CNTN4: variants seen among roughly 807,000 people sequenced by gnomAD.
The protein encoded by CNTN4 is contactin-4.
Under a neutral mutation model 122.5 loss-of-function variants are expected in CNTN4, and 77 were observed. The observed-to-expected ratio is 0.63, with a 90% CI of 0.52 to 0.76. CNTN4 has a LOEUF of 0.76. Ranked by LOEUF, CNTN4 falls within the 30% of genes least tolerant of loss-of-function variation. The probability of loss-of-function intolerance (pLI) is 0.00; values close to 1 mark genes in which losing one functional copy is unlikely to be tolerated. For missense variants in CNTN4, 1,256 were observed against 1,259.1 expected (o/e 1.00, Z 0.04); for synonymous variants, 512 against 447.0 (o/e 1.15, Z -1.83).
intron 3 of CNTN4, among the ~76,000 whole-genome samples, chr3:2,354,269 G>A (rs2044772353): frequency 6.6e-6 from 1 of 152,208 alleles, no homozygotes; most frequent in Non-Finnish European, 1.5e-5. Flanking sequence ...GGTGGCTCAT[G>A]CCTGTAATCC....
intron 13 of CNTN4, among the ~76,000 whole-genome samples, chr3:2,951,761 T>G (rs1252370933): frequency 6.6e-6 from 1 of 152,176 alleles, no homozygotes; most frequent in African/African-American, 2.4e-5. Flanking sequence ...CATTGCAAAT[T>G]CCTTTTTACA....
In CNTN4 at chr3:2,329,732, G is replaced by A. The variant is rs550278367; in HGVS notation, c.-144-9446G>A. On this transcript the variant is annotated intron_variant, in intron 2 of 24. Coordinates refer to ENST00000418658, the MANE Select transcript of CNTN4 (RefSeq NM_175607.3). Reference sequence around the variant, plus strand: ...GAGATAATACACTCTGCCTTATTGAGGCATTTTTTTTTATTAAAAACAGCC... The same window carrying A: ...GAGATAATACACTCTGCCTTATTGAAGCATTTTTTTTTATTAAAAACAGCC... Among the ~76,000 whole-genome samples, 211 of 99,732 alleles carry A rather than the reference G, an allele frequency of 2.1e-3. 2 individuals are homozygous for A. Among genetic ancestry groups the A allele is most frequent in the Middle Eastern group, 6.3e-3 (1 of 158 alleles). The allele number at this position is 99,732 out of a possible 152,430, so 65.4% of individuals were successfully genotyped here.
intron 6 of CNTN4, among the ~76,000 whole-genome samples, chr3:2,787,104 C>T (rs1003964676): frequency 4.6e-5 from 7 of 152,110 alleles, no homozygotes; most frequent in South Asian, 2.1e-4. Flanking sequence ...CGGCCAGGCG[C>T]GGTGGCTCAT....
chr3:2,142,864 C>A (rs190841782), intron 2 of CNTN4, among the ~76,000 whole-genome samples: 26 of 152,310 alleles, frequency 1.7e-4, no homozygotes, highest in Admixed American at 1.4e-3. Context: ...GAGTGAATTT[C>A]CACGTAACTT....
intron 4 of CNTN4, among the ~76,000 whole-genome samples, chr3:2,574,023 C>T (rs547859243): frequency 6.6e-6 from 1 of 152,194 alleles, no homozygotes; most frequent in Admixed American, 6.5e-5. Context: ...TAGAGACCAG[C>T]CTGACCAACA....
intron 3 of CNTN4, among the ~76,000 whole-genome samples, chr3:2,483,216 G>A (rs1030342480): frequency 2.6e-5 from 4 of 152,188 alleles, no homozygotes; most frequent in Admixed American, 2.6e-4. Flanking sequence ...GGAGCTTTAA[G>A]GTTTACTGAC....
chr3:2,747,322 T>C (rs1397238294), intron 6 of CNTN4, among the ~76,000 whole-genome samples: 1 of 150,908 alleles, frequency 6.6e-6, no homozygotes, highest in African/African-American at 2.5e-5. Context: ...GGCAGGAGAA[T>C]GGCGGGAACC....
chr3:2,134,619 G>A (rs776360614), intron 2 of CNTN4, among the ~76,000 whole-genome samples: 12 of 152,160 alleles, frequency 7.9e-5, no homozygotes, highest in South Asian at 2.1e-4. Context: ...GTCTCCAGGG[G>A]CTATTTGACA....
chr3:2,954,598 C>CT (rs1239347731), intron 13 of CNTN4, among the ~76,000 whole-genome samples: 2 of 151,832 alleles, frequency 1.3e-5, no homozygotes, highest in African/African-American at 4.8e-5. Context: ...TGATTTTTCT[C>CT]TCCCCCTTTC....
chr3:2,133,857 A>C (rs1339003133), intron 2 of CNTN4, among the ~76,000 whole-genome samples: 1 of 152,166 alleles, frequency 6.6e-6, no homozygotes, highest in Non-Finnish European at 1.5e-5. Flanking sequence ...CTTTTGATTT[A>C]TTAAGAGTCA....
intron 13 of CNTN4, among the ~76,000 whole-genome samples, chr3:2,937,202 A>G (rs2094574721): frequency 6.6e-6 from 1 of 152,182 alleles, no homozygotes; most frequent in South Asian, 2.1e-4. Flanking sequence ...CACTTCCAGC[A>G]TGTCCGTCTT....
chr3:2,730,008 G>C (rs2088563598), intron 4 of CNTN4, among the ~76,000 whole-genome samples: 1 of 152,148 alleles, frequency 6.6e-6, no homozygotes, highest in Admixed American at 6.5e-5. Context: ...GAATCCAGTA[G>C]GTCTGGGAGG....
chr3:2,685,916 A>G (rs1213370891), intron 4 of CNTN4, among the ~76,000 whole-genome samples: 2 of 152,208 alleles, frequency 1.3e-5, no homozygotes, highest in East Asian at 3.8e-4. Flanking sequence ...TTTGGGCAGG[A>G]GAAAACCCAA....
intron 2 of CNTN4, among the ~76,000 whole-genome samples, chr3:2,278,192 A>G (rs980779081): frequency 6.6e-6 from 1 of 152,254 alleles, no homozygotes; most frequent in African/African-American, 2.4e-5. Context: ...TTTCCTCCAA[A>G]CAGACAAACA....
At chr3:2,849,180 C>G (rs1198628357) in intron 7 of CNTN4, among the ~76,000 whole-genome samples, 1 of 152,206 alleles carries the variant, frequency 6.6e-6, no homozygotes, top group East Asian at 1.9e-4. Flanking sequence ...AACTGTATCT[C>G]TGCTGAATAT....
At chr3:2,537,584 T>C (rs2077861228) in intron 3 of CNTN4, among the ~76,000 whole-genome samples, 4 of 152,124 alleles carry the variant, frequency 2.6e-5, no homozygotes, top group Admixed American at 2.6e-4. Flanking sequence ...ATGTATCTGC[T>C]TGGAGCAGAG....
intron 13 of CNTN4, among the ~76,000 whole-genome samples, chr3:2,928,373 C>A (rs986074371): frequency 5.9e-5 from 9 of 152,116 alleles, no homozygotes; most frequent in African/African-American, 2.2e-4. Context: ...CCATTTTTCT[C>A]ATTTCTTTCT....
intron 3 of CNTN4, among the ~76,000 whole-genome samples, chr3:2,492,560 T>C (rs2076347583): frequency 6.6e-6 from 1 of 152,226 alleles, no homozygotes; most frequent in African/African-American, 2.4e-5. Context: ...TCATCTTCCT[T>C]TTCCATATTT....
chr3:2,402,310 A>C (rs2046886394), intron 3 of CNTN4, among the ~76,000 whole-genome samples: 1 of 152,102 alleles, frequency 6.6e-6, no homozygotes. Context: ...GACCAAACAA[A>C]AATTGGTGAA....
Sources: gnomAD v4.1 joint callset for allele counts (sites outside exome capture counted in the v4.1 genomes callset) on GRCh38, gnomAD v4.1.1 for gene constraint, MANE v1.5 for transcripts, NCBI Gene and HGNC (gene_info 2026-07-23, HGNC 2026-07-21) for gene names.